Variants in TENM3 observed in about 807,000 individuals in gnomAD.
TENM3 encodes the protein teneurin transmembrane protein 3.
In TENM3, 63 loss-of-function variants were observed where a neutral mutation model predicts 255.1. The ratio of observed to expected loss-of-function variants is 0.25; its 90% CI spans 0.20 to 0.30. The LOEUF is 0.30. Ranked by LOEUF, TENM3 falls within the 10% of genes least tolerant of loss-of-function variation. TENM3 has a pLI of 1.00. For synonymous variants in TENM3, 1,306 were observed against 1,322.3 expected (o/e 0.99, Z 0.27); for missense variants, 2,929 against 3,461.1 (o/e 0.85, Z 3.86).
intron 1 of TENM3, among the ~76,000 whole-genome samples, chr4:182,222,363 C>T (rs1228022744): frequency 1.3e-5 from 2 of 152,212 alleles, no homozygotes; most frequent in Non-Finnish European, 1.5e-5. Flanking sequence ...CAACAAATCT[C>T]GCTTAACTCC....
At chr4:181,930,709 A>T in the TENM3 span, among the ~76,000 whole-genome samples, 3 of 152,284 alleles carry the variant, frequency 2.0e-5, no homozygotes, top group Non-Finnish European at 2.9e-5. Flanking sequence ...CAGACACACA[A>T]CAAAAAAAGA....
At chr4:181,590,456 A>C in the TENM3 span, among the ~76,000 whole-genome samples, 1 of 152,208 alleles carries the variant, frequency 6.6e-6, no homozygotes, top group African/African-American at 2.4e-5. Context: ...GTCTGTGCCA[A>C]GAGCCAGGCC....
chr4:181,596,392 G>T, the TENM3 span, among the ~76,000 whole-genome samples: 1 of 152,002 alleles, frequency 6.6e-6, no homozygotes, highest in Non-Finnish European at 1.5e-5. Flanking sequence ...CCAGTTTTGG[G>T]TGTCTTTAAA....
chr4:181,727,977 A>G, the TENM3 span, among the ~76,000 whole-genome samples: 1 of 152,240 alleles, frequency 6.6e-6, no homozygotes, highest in African/African-American at 2.4e-5. Context: ...CCACTGAGTA[A>G]ATATCAGACA....
chr4:182,072,789 A>ATTTTCCTCCG, the TENM3 span, among the ~76,000 whole-genome samples: 1 of 151,930 alleles, frequency 6.6e-6, no homozygotes, highest in Non-Finnish European at 1.5e-5. Flanking sequence ...ATTTTCCTCC[A>ATTTTCCTCCG]TCTCATCTTC....
chr4:181,677,229 A>G, the TENM3 span, among the ~76,000 whole-genome samples: 146 of 152,144 alleles, frequency 9.6e-4, 1 homozygote, highest in Non-Finnish European at 1.6e-3. Flanking sequence ...GTTCTCACTC[A>G]TGTATGCAAG....
intron 22 of TENM3, among the ~76,000 whole-genome samples, chr4:182,765,342 T>C (rs1474757780): frequency 6.6e-6 from 1 of 152,208 alleles, no homozygotes; most frequent in Admixed American, 6.5e-5. Flanking sequence ...ACAACAGCTG[T>C]GTTAATACTG....
intron 16 of TENM3, among the ~76,000 whole-genome samples, chr4:182,731,919 C>T (rs952499597): frequency 2.0e-5 from 3 of 151,856 alleles, no homozygotes; most frequent in Admixed American, 6.6e-5. Context: ...GTAGCTGAGA[C>T]TACAGGCGAC....
At chr4:181,850,020 C>T in the TENM3 span, among the ~76,000 whole-genome samples, 2 of 149,828 alleles carry the variant, frequency 1.3e-5, no homozygotes, top group Non-Finnish European at 3.0e-5. Flanking sequence ...CTTGAATATT[C>T]CTTGTCAAAT....
intron 22 of TENM3, among the ~76,000 whole-genome samples, chr4:182,767,037 G>T (rs943647116): frequency 6.6e-6 from 1 of 152,154 alleles, no homozygotes. Context: ...GGGAGTATCA[G>T]GTGGTGCCAT....
chr4:182,286,391 G>T (rs1055343307), intron 1 of TENM3, among the ~76,000 whole-genome samples: 5 of 152,306 alleles, frequency 3.3e-5, no homozygotes, highest in African/African-American at 1.2e-4. Flanking sequence ...TTGGAATGCC[G>T]TTCTCTACTT....
the TENM3 span, among the ~76,000 whole-genome samples, chr4:181,762,711 C>T: frequency 2.6e-5 from 4 of 152,126 alleles, no homozygotes; most frequent in Non-Finnish European, 4.4e-5. Context: ...AACATTTTTA[C>T]CCCATTATCA....
chr4:182,775,680 G>A (rs573915777), intron 24 of TENM3, among the ~76,000 whole-genome samples: 41 of 152,286 alleles, frequency 2.7e-4, no homozygotes, highest in African/African-American at 5.8e-4. Context: ...TGCACACAGC[G>A]TCACACCTGT....
At chr4:182,602,314 G>C (rs576551283) in intron 4 of TENM3, among the ~76,000 whole-genome samples, 1 of 152,196 alleles carries the variant, frequency 6.6e-6, no homozygotes, top group Non-Finnish European at 1.5e-5. Flanking sequence ...AGCTCTTGAC[G>C]CCTTGAGAGA....
At chr4:182,597,754 G>A (rs1338881046) in intron 3 of TENM3, among the ~76,000 whole-genome samples, 2 of 152,088 alleles carry the variant, frequency 1.3e-5, no homozygotes, top group Non-Finnish European at 2.9e-5. Flanking sequence ...ATTCTATCTT[G>A]AGTAAATTGG....
intron 24 of TENM3, among the ~76,000 whole-genome samples, chr4:182,784,155 C>CA (rs1216707558): frequency 6.6e-6 from 1 of 152,176 alleles, no homozygotes; most frequent in Non-Finnish European, 1.5e-5. Context: ...TCCAGTTTTT[C>CA]TGTTCTGTTT....
At chr4:182,779,692 C>A (rs1342362990) in intron 24 of TENM3, among the ~76,000 whole-genome samples, 1 of 151,548 alleles carries the variant, frequency 6.6e-6, no homozygotes, top group African/African-American at 2.4e-5. Context: ...AAAAGTGTTC[C>A]TATTTCTCCA....
chr4:182,522,526 T>C (rs1275370836), intron 3 of TENM3, among the ~76,000 whole-genome samples: 5 of 152,220 alleles, frequency 3.3e-5, no homozygotes, highest in East Asian at 1.9e-4. Flanking sequence ...TTCATTCTTA[T>C]GGCTGAGTAA....
At position 182,600,964 on chromosome 4, in the gene TENM3, C is replaced by T. The variant is rs1747783961; in HGVS notation, c.552C>T (p.Pro184=). ...ASNQGQSTLQ[P]LPPSHKQHSA... ...ATCAAGGCCAGTCTACCCTGCAGCC[C>T]TTGCCGCCTTCCCATAAGCAGCACT... is the stretch of plus-strand genomic sequence containing the variant. Residue 184 remains proline (P), a synonymous_variant, in exon 4 of 28, where the codon CCC becomes CCT. Coordinates refer to ENST00000511685, the MANE Select transcript of TENM3 (RefSeq NM_001080477.4). 5.0e-6 allele frequency: 8 copies of T among 1,599,376 alleles called. No homozygotes were observed. Among genetic ancestry groups the T allele is most frequent in the Middle Eastern group, 1.7e-4 (1 of 5,996 alleles).
Sources: allele counts gnomAD v4.1 joint callset (sites outside exome capture counted in the v4.1 genomes callset), GRCh38; gene constraint gnomAD v4.1.1; transcripts MANE v1.5; gene names NCBI Gene and HGNC (gene_info 2026-07-23, HGNC 2026-07-21).